NEB: variants seen among roughly 807,000 people sequenced by gnomAD.
The protein encoded by NEB is nemaline myopathy type 2.
A neutral mutation model predicts 952.2 loss-of-function variants in NEB; 512 were observed. That is an observed-to-expected ratio of 0.54 (90% CI 0.50 to 0.58). NEB has a LOEUF of 0.58. Ranked by LOEUF, NEB falls within the 20% of genes least tolerant of loss-of-function variation. The probability of loss-of-function intolerance (pLI) is 0.00; values close to 1 mark genes in which losing one functional copy is unlikely to be tolerated. For synonymous variants in NEB, 2,900 were observed against 3,149.8 expected, an observed-to-expected ratio of 0.92 and a Z score of 2.66; for missense variants, 8,428 against 9,231.1, an observed-to-expected ratio of 0.91 and a Z score of 3.56.
rs1465626067 is a variant in NEB at position 151,610,682 on chromosome 2, A to G, written c.11911-59T>C. ...AGTGTTTGAGGAAGGTAATAGGCCAATTCCAGAAAGGAAATTGTTACGGTG... is the reference window on the plus strand; with the variant it reads ...AGTGTTTGAGGAAGGTAATAGGCCAGTTCCAGAAAGGAAATTGTTACGGTG... On this transcript the variant is annotated intron_variant, in intron 79 of 181. Coordinates refer to ENST00000397345, the MANE Select transcript of NEB (RefSeq NM_001164508.2). 7 of 1,576,760 alleles carry G rather than the reference A, an allele frequency of 4.4e-6. No individual in the cohort carries two copies. In the African/African-American group the frequency reaches 8.1e-5, roughly 18 times the overall value.
chr2:151,665,225 G>A lies in NEB; in HGVS notation c.5238+108C>T, dbSNP rs926984839. ...AGAGTCCCCCTCCCACCACCGGCAC[G>A]AAGACGATCAGAAAGAAACACTGTA... On this transcript the variant is annotated intron_variant, in intron 42 of 181. Transcript: ENST00000397345. The A allele has an allele frequency of 2.9e-5, 31 of 1,061,756 alleles. No individual in the cohort carries two copies. In the East Asian group the frequency reaches 3.6e-4, roughly 12 times the overall value. 65.8% of individuals were successfully genotyped at this position (1,061,756 alleles called of 1,614,324 possible). A position where few individuals can be genotyped will look rare whatever the true frequency, so the allele number is the denominator to read the frequency against.
Position 151,663,464 on chromosome 2 carries a change from G to A in NEB, c.5763+84C>T, listed in dbSNP as rs2099169445. ...GAAATTGCAGATGAATTTCTTTCAG[G>A]ATTTTCAAAACGTCATTGCTTATGG... On this transcript the variant is annotated intron_variant, in intron 45 of 181. Transcript: ENST00000397345. 3 of 1,353,458 alleles carry A rather than the reference G, an allele frequency of 2.2e-6. No individual in the cohort carries two copies. In the East Asian group the frequency reaches 7.0e-5, roughly 32 times the overall value. The allele number at this position is 1,353,458 out of a possible 1,614,324, so 83.8% of individuals were successfully genotyped here.
intron 142 of NEB, 73 bp from the exon 143 acceptor site, chr2:151,533,619 A>G (rs921888227): frequency 1.9e-5 from 18 of 939,232 alleles, no homozygotes; most frequent in Admixed American, 4.0e-5. Context: ...CTATATCCCA[A>G]TCACCTCTGA....
chr2:151,624,589 C>T (rs1046790373), intron 71 of NEB, among the ~76,000 whole-genome samples: 9 of 152,064 alleles, frequency 5.9e-5, no homozygotes, highest in Admixed American at 3.3e-4. Context: ...GAAATCATAC[C>T]CTCTCCATTT....
intron 150 of NEB, 86 bp downstream of exon 150, chr2:151,525,872 A>C (rs569100746): frequency 9.8e-7 from 1 of 1,019,520 alleles, no homozygotes; most frequent in South Asian, 1.3e-5. Flanking sequence ...TACATAAAGG[A>C]AGCAAAAGGC....
At chr2:151,498,047 C>CATT in intron 170 of NEB, 2 of 1,447,154 alleles carry the variant, frequency 1.4e-6, no homozygotes, top group African/African-American at 1.4e-5. Flanking sequence ...TGGAAACATT[C>CATT]ATTATTTTTA....
chr2:151,657,875 G>A, intron 48 of NEB, 108 bp downstream of exon 48: 4 of 773,342 alleles, frequency 5.2e-6, no homozygotes, highest in Non-Finnish European at 6.5e-6. Context: ...CAGAGAGTGA[G>A]ACCCACTGTT....
At chr2:151,731,310 T>A (rs2099807763) in intron 3 of NEB, among the ~76,000 whole-genome samples, 1 of 152,194 alleles carries the variant, frequency 6.6e-6, no homozygotes, top group African/African-American at 2.4e-5. Flanking sequence ...TGCCACTAAT[T>A]AGATAGTGCA....
intron 39 of NEB, 135 bp from the exon 40 acceptor site, chr2:151,668,046 T>C (rs186645591): frequency 3.1e-6 from 2 of 639,554 alleles, no homozygotes; most frequent in Non-Finnish European, 5.3e-6. Flanking sequence ...TTAGGACTAT[T>C]AGTTTGTCTT....
intron 48 of NEB, among the ~76,000 whole-genome samples, chr2:151,656,858 G>T (rs564453666): frequency 1.0e-4 from 15 of 146,502 alleles, no homozygotes; most frequent in Non-Finnish European, 1.9e-4. Flanking sequence ...AAAAAAAAAA[G>T]GCAAAAAAAC....
chr2:151,643,921 A>G lies in NEB; in HGVS notation c.7853T>C (p.Leu2618Ser). The change falls in exon 57 of 182, where the codon TTA becomes TCA. Residue 2618 changes from leucine (L) to serine (S), a missense_variant. Around this residue, in one of 11 missense-constraint regions of NEB, gnomAD observed 1,772 missense variants for 1,960.3 expected, o/e 0.90. Transcript: ENST00000397345. ...GVVLAKKCQT[L>S]VSDVDYKNYL... ...GTTCTTGTAGTCCACGTCGCTGACT[A>G]AGGTCTGGCACTTCTTGGCCAACAC... 1 of 1,613,902 alleles carries G rather than the reference A, an allele frequency of 6.2e-7. No individual in the cohort carries two copies. The highest frequency in any genetic ancestry group is 8.5e-7 in the Non-Finnish European group (1 of 1,179,824).
rs1367960856 is a variant in NEB at position 151,612,337 on chromosome 2, A to T, written c.11654T>A (p.Ile3885Asn). The T allele has an allele frequency of 1.2e-6, 2 of 1,613,864 alleles. No individual in the cohort carries two copies. ...CACTTTCTCGACCTCTACAGAGCCA[A>T]TGGGAACCCATCCTATGCCTCTCAG... ...EWLRGIGWVP[I>N]GSVEVEKVKR... is the part of the protein sequence containing the mutation. Residue 3885 changes from isoleucine (I) to asparagine (N), a missense_variant, in exon 78 of 182, where the codon ATT becomes AAT. Ile to Asn is a moderately radical substitution (Grantham distance 149, BLOSUM62 -3). Around this residue, in one of 11 missense-constraint regions of NEB, gnomAD observed 337 missense variants for 297.5 expected, o/e 1.13. Transcript: ENST00000397345.
chr2:151,716,530 C>T (rs2099759806), intron 10 of NEB, among the ~76,000 whole-genome samples: 1 of 152,060 alleles, frequency 6.6e-6, no homozygotes. Flanking sequence ...GATAGTATTC[C>T]TATTGGTGAA....
chr2:151,620,343 G>GTATATATA lies in NEB; in HGVS notation c.10560+575_10560+576insTATATATA, dbSNP rs1331796136. On this transcript the variant is annotated intron_variant, in intron 72 of 181. Transcript: ENST00000397345. ...AATTTTATTATATATATATGTATGT[G>GTATATATA]TGTGTATATATATATATATATATAT... 8.8e-4 allele frequency among the ~76,000 whole-genome samples: 43 copies of GTATATATA among 48,864 alleles called. 1 individual carries two copies. Among genetic ancestry groups the GTATATATA allele is most frequent in the African/African-American group, 1.9e-3 (32 of 16,674 alleles). The allele number at this position is 48,864 out of a possible 152,430, so 32.1% of individuals were successfully genotyped here.
At chr2:151,549,152 G>A (rs1262541080) in intron 130 of NEB, among the ~76,000 whole-genome samples, 1 of 152,184 alleles carries the variant, frequency 6.6e-6, no homozygotes, top group Non-Finnish European at 1.5e-5. Flanking sequence ...TGGGCACAGA[G>A]GATAAGTAGT....
chr2:151,644,617 A>G (rs752857965), intron 55 of NEB, 42 bp from the exon 56 acceptor site: 1 of 1,437,452 alleles, frequency 7.0e-7, no homozygotes, highest in East Asian at 2.3e-5. Context: ...ACTGTTCCCC[A>G]TAGACAAATA....
chr2:151,493,446 C>T lies in NEB; in HGVS notation c.24673-1G>A, dbSNP rs1574741105. On this transcript the variant is annotated splice_acceptor_variant, in intron 175 of 181. Transcript: ENST00000397345. LOFTEE classifies it high-confidence loss of function. The stretch of plus-strand genomic sequence containing the variant: ...TTCTCATGTTCTCTTTGTACAATAC[C>T]TAGGGAAGCCAAAAGAGCATCTAGG... 1.3e-6 allele frequency: 2 copies of T among 1,569,264 alleles called. No individual in the cohort carries two copies. The highest frequency in any genetic ancestry group is 1.4e-5 in the African/African-American group (1 of 72,914).
intron 88 of NEB, among the ~76,000 whole-genome samples, chr2:151,601,128 G>C (rs959809855): frequency 4.4e-5 from 5 of 114,686 alleles, no homozygotes; most frequent in African/African-American, 8.1e-5. Flanking sequence ...TTTTTTTTGA[G>C]ACAGAGTCTC....
chr2:151,560,153 G>A (rs1470902683), intron 124 of NEB, among the ~76,000 whole-genome samples: 1 of 152,056 alleles, frequency 6.6e-6, no homozygotes, highest in African/African-American at 2.4e-5. Context: ...ATTTTTAAAT[G>A]TTTTCTATTT....
Sources: gnomAD v4.1 joint callset for allele counts (sites outside exome capture counted in the v4.1 genomes callset) on GRCh38, gnomAD v4.1.1 for gene constraint, gnomAD v4.1.1 regional missense constraint, MANE v1.5 for transcripts, NCBI Gene and HGNC (gene_info 2026-07-23, HGNC 2026-07-21) for gene names.